Variants in RB1CC1 observed in about 807,000 individuals in gnomAD.
The protein encoded by RB1CC1 is RB1 inducible coiled-coil 1.
A neutral mutation model predicts 177.5 loss-of-function variants in RB1CC1; 46 were observed. The ratio of observed to expected loss-of-function variants is 0.26; its 90% CI spans 0.20 to 0.33. RB1CC1 has a LOEUF of 0.33. Ranked by LOEUF, RB1CC1 falls within the 10% of genes least tolerant of loss-of-function variation. The pLI, the probability that RB1CC1 is intolerant of heterozygous loss-of-function variation, is 1.00. For missense variants in RB1CC1, 1,703 were observed against 1,816.3 expected, an observed-to-expected ratio of 0.94 and a Z score of 1.13; for synonymous variants, 666 against 613.6, an observed-to-expected ratio of 1.09 and a Z score of -1.26.
At chr8:52,659,014 TC>T (rs1473088716) in intron 12 of RB1CC1, 38 bp from the exon 13 acceptor site, 5 of 1,248,798 alleles carry the variant, frequency 4.0e-6, no homozygotes, top group Non-Finnish European at 5.5e-6. Context: ...AAATTTTTTT[TC>T]AACCAAAAAC....
At chr8:52,642,102 G>T (rs531985582) in intron 18 of RB1CC1, among the ~76,000 whole-genome samples, 24 of 151,942 alleles carry the variant, frequency 1.6e-4, no homozygotes, top group Admixed American at 9.8e-4. Context: ...CAATACTACT[G>T]CCATGATCCT....
chr8:52,699,804 C>CAAAAAAAAAAAAAA (rs1172604874), intron 1 of RB1CC1, among the ~76,000 whole-genome samples: 2 of 38,552 alleles, frequency 5.2e-5, no homozygotes, highest in Non-Finnish European at 7.7e-5. Flanking sequence ...ATCTCCGTCT[C>CAAAAAAAAAAAAAA]AAAAAAAAAA....
rs771974422 is a variant in RB1CC1, at chr8:52,674,034, A to G, written c.813T>C (p.Asp271=). ...SVEHVSPDTA[D]AESGKEIRES... is the part of the protein sequence containing the mutation. The stretch of plus-strand genomic sequence containing the variant: ...CCCTAATTTCTTTGCCACTTTCAGC[A>G]TCTGCGGTATCTGGGGACACATGTT... Residue 271 remains aspartate, a synonymous_variant, in exon 7 of 24, where the codon GAT becomes GAC. Transcript: ENST00000025008. 30 of 1,614,054 alleles carry G rather than the reference A, an allele frequency of 1.9e-5. No homozygotes were observed. The East Asian group carries it at 5.6e-4, about 30-fold the overall frequency.
At chr8:52,680,307 G>A (rs556448234) in intron 5 of RB1CC1, among the ~76,000 whole-genome samples, 3 of 152,078 alleles carry the variant, frequency 2.0e-5, no homozygotes, top group African/African-American at 7.2e-5. Flanking sequence ...AAAAAGAAAC[G>A]TATCACTGAT....
At position 52,683,865 on chromosome 8, in the gene RB1CC1, GAAAGGACTCTTGAA is replaced by G; in HGVS notation, c.198+8_198+21del. The G allele has an allele frequency of 6.2e-7, 1 of 1,606,966 alleles. No homozygotes were observed. The highest frequency in any genetic ancestry group is 1.3e-5 in the African/African-American group (1 of 74,646). ...ATGTAAAGATGTTGCATTCTTGTGT[GAAAGGACTCTTGAA>G]TACCTACCGTCCCAGCACTGTAGGT... On this transcript the variant is annotated splice_region_variant and intron_variant, in intron 4 of 23. Transcript: ENST00000025008.
chr8:52,674,450 G>A (rs562008120), intron 6 of RB1CC1, among the ~76,000 whole-genome samples, 176 bp from the exon 7 acceptor site: 1 of 152,262 alleles, frequency 6.6e-6, no homozygotes, highest in South Asian at 2.1e-4. Flanking sequence ...GTTTAGCAGA[G>A]AGAGGCTATC....
rs1370756220 is a variant in RB1CC1, at chr8:52,658,921, A to G, written c.1745T>C (p.Leu582Ser). The G allele has an allele frequency of 6.3e-7, 1 of 1,589,062 alleles. No homozygotes were observed. The highest frequency in any genetic ancestry group is 1.8e-5 in the Admixed American group (1 of 56,468). The stretch of plus-strand genomic sequence containing the variant: ...AGGACAAAATGATTGCAGAAACTGT[A>G]AATCTTTTAATGAAATATCTGGAAG... Reference protein sequence around the residue: ...CELPDISLKDLQFLQSFCPSE... With the variant: ...CELPDISLKDSQFLQSFCPSE... Residue 582 changes from leucine (L) to serine (S), a missense_variant, in exon 13 of 24, where the codon TTA becomes TCA. This residue lies in a region of RB1CC1 where 1,169 missense variants were observed against 1,184.7 expected (regional missense o/e 0.99). Coordinates refer to ENST00000025008, the MANE Select transcript of RB1CC1 (RefSeq NM_014781.5).
chr8:52,632,015 A>G (rs146259661), intron 20 of RB1CC1, among the ~76,000 whole-genome samples: 1 of 152,290 alleles, frequency 6.6e-6, no homozygotes, highest in African/African-American at 2.4e-5. Context: ...AAAATTTGTG[A>G]ACAATCACGA....
intron 22 of RB1CC1, among the ~76,000 whole-genome samples, chr8:52,625,176 A>C (rs771788906): frequency 6.6e-6 from 1 of 152,180 alleles, no homozygotes; most frequent in South Asian, 2.1e-4. Flanking sequence ...AACAAAATGT[A>C]TAGGTTCAAA....
At chr8:52,697,075 G>A (rs998840409) in intron 1 of RB1CC1, among the ~76,000 whole-genome samples, 6 of 152,050 alleles carry the variant, frequency 3.9e-5, no homozygotes, top group Admixed American at 6.6e-5. Context: ...AGCTAATAGC[G>A]ATTCAACTGG....
At position 52,683,695 on chromosome 8, in the gene RB1CC1, T is replaced by G; in HGVS notation, c.223A>C (p.Asn75His). 6.3e-7 allele frequency: 1 copy of G among 1,586,734 alleles called. No individual in the cohort carries two copies. Among genetic ancestry groups the G allele is most frequent in the Non-Finnish European group, 8.6e-7 (1 of 1,169,430 alleles). The change falls in exon 5 of 24, where the codon AAC becomes CAC. Residue 75 changes from asparagine (N) to histidine (H), a missense_variant. Asn to His is a moderately conservative substitution (Grantham distance 68, BLOSUM62 1). Around this residue, in one of 6 missense-constraint regions of RB1CC1, gnomAD observed 118 missense variants for 121.2 expected, o/e 0.97. Coordinates refer to ENST00000025008, the MANE Select transcript of RB1CC1 (RefSeq NM_014781.5). Reference protein sequence around the residue: ...GTDTNPIFLFNKEMILCDRPP... With the variant: ...GTDTNPIFLFHKEMILCDRPP... ...CGATCACATAAGATCATTTCTTTGT[T>G]AAAAAGAAAAATTGGATTTGTATCC...
In RB1CC1 at chr8:52,656,796, T is replaced by C. The variant is rs1020752270; in HGVS notation, c.3033A>G (p.Arg1011=). The change falls in exon 15 of 24, where the codon AGA becomes AGG. Residue 1011 remains arginine (R), a synonymous_variant. Transcript: ENST00000025008. The part of the protein sequence containing the change: ...QEFEKVMTDH[R]VSLEELKKEN... ...CCTTTTTTAATTCCTCCAAAGAAAC[T>C]CTGTGGTCTGTCATAACCTTCTCAA... The C allele has an allele frequency of 6.2e-7, 1 of 1,613,954 alleles. No homozygotes were observed. Among genetic ancestry groups the C allele is most frequent in the African/African-American group, 1.3e-5 (1 of 75,054 alleles).
At chr8:52,685,205 T>C (rs1434340289) in intron 3 of RB1CC1, among the ~76,000 whole-genome samples, 194 bp downstream of exon 3, 2 of 152,112 alleles carry the variant, frequency 1.3e-5, no homozygotes, top group Admixed American at 1.3e-4. Context: ...GGTTTCACCA[T>C]GTTGGCCAGG....
At position 52,656,718 on chromosome 8, in the gene RB1CC1, C is replaced by T; in HGVS notation, c.3111G>A (p.Gln1037=). The T allele has an allele frequency of 6.2e-7, 1 of 1,613,310 alleles. No homozygotes were observed. The highest frequency in any genetic ancestry group is 1.1e-5 in the South Asian group (1 of 90,920). ...ATTCCTGTAACTGTTTTTCTTTTTCCTGGATAATTTCAGCATGAGATTCTT... is the reference window on the plus strand; with the variant it reads ...ATTCCTGTAACTGTTTTTCTTTTTCTTGGATAATTTCAGCATGAGATTCTT... ...QIQESHAEII[Q]EKEKQLQELK... The change falls in exon 15 of 24, where the codon CAG becomes CAA. Residue 1037 remains glutamine (Q), a synonymous_variant. Transcript: ENST00000025008.
At chr8:52,703,312 C>T (rs969821257) in intron 1 of RB1CC1, among the ~76,000 whole-genome samples, 1 of 152,116 alleles carries the variant, frequency 6.6e-6, no homozygotes, top group Non-Finnish European at 1.5e-5. Flanking sequence ...CTACTATCTG[C>T]AGATTCCATC....
At chr8:52,630,408 T>A (rs1848672509) in intron 21 of RB1CC1, 62 bp downstream of exon 21, 2 of 1,500,200 alleles carry the variant, frequency 1.3e-6, no homozygotes, top group Non-Finnish European at 1.8e-6. Context: ...TGAAATACAT[T>A]TTCATTAACA....
chr8:52,674,379 C>A, intron 6 of RB1CC1, 105 bp from the exon 7 acceptor site: 1 of 965,882 alleles, frequency 1.0e-6, no homozygotes. Context: ...ATCTCACCAC[C>A]TCTCCATAAC....
chr8:52,650,776 G>A (rs1850505715), intron 15 of RB1CC1, among the ~76,000 whole-genome samples: 1 of 152,164 alleles, frequency 6.6e-6, no homozygotes, highest in African/African-American at 2.4e-5. Context: ...GTACACACTT[G>A]TAGTTGTTTG....
intron 15 of RB1CC1, 34 bp from the exon 16 acceptor site, chr8:52,645,901 A>G: frequency 6.4e-7 from 1 of 1,551,654 alleles, no homozygotes. Flanking sequence ...AATTAAAAAA[A>G]AAATTACAGA....
Sources: gnomAD v4.1 joint callset for allele counts (sites outside exome capture counted in the v4.1 genomes callset) on GRCh38, gnomAD v4.1.1 for gene constraint, gnomAD v4.1.1 regional missense constraint, MANE v1.5 for transcripts, NCBI Gene and HGNC (gene_info 2026-07-23, HGNC 2026-07-21) for gene names.